Variants in FTO observed in about 807,000 individuals in gnomAD.
The protein encoded by FTO is FTO alpha-ketoglutarate dependent dioxygenase.
In FTO, 47 loss-of-function variants were observed where a neutral mutation model predicts 63.9. The ratio of observed to expected loss-of-function variants is 0.74; its 90% confidence interval spans 0.58 to 0.94. FTO has a LOEUF of 0.94. FTO is among the 40% of genes least tolerant of loss of function. FTO has a pLI of 0.00. For missense variants in FTO, 562 were observed against 618.1 expected, an observed-to-expected ratio of 0.91 and a Z score of 0.96; for synonymous variants, 207 against 224.4, an observed-to-expected ratio of 0.92 and a Z score of 0.69.
chr16:53,837,006 C>T (rs183912697), intron 3 of FTO, among the ~76,000 whole-genome samples: 39 of 152,330 alleles, frequency 2.6e-4, no homozygotes, highest in Admixed American at 2.4e-3. Flanking sequence ...TCCTGTGAGT[C>T]TCCACAACTC....
intron 8 of FTO, chr16:54,054,728 C>A (rs1352835275): frequency 6.6e-6 from 1 of 151,996 alleles, no homozygotes; most frequent in Non-Finnish European, 1.5e-5. Flanking sequence ...AAGTGGCATA[C>A]AGGAAGAGAC....
In FTO at chr16:53,975,207, GT is replaced by G. The variant is rs201129496; in HGVS notation, c.1364+41111del. ...CGTATTTTGGTTTTAAATATTGTAAGTTTTTTTTTTTTTGGTGTTGCAGTTG... is the reference window on the plus strand; with the variant it reads ...CGTATTTTGGTTTTAAATATTGTAAGTTTTTTTTTTTTGGTGTTGCAGTTG... On this transcript the variant is annotated intron_variant, in intron 8 of 8. Transcript: ENST00000471389. 1.3e-3 allele frequency among the ~76,000 whole-genome samples: 181 copies of G among 144,096 alleles called. 1 individual carries two copies. The highest frequency in any genetic ancestry group is 5.0e-3 in the South Asian group (23 of 4,562). The allele number at this position is 144,096 out of a possible 152,430, so 94.5% of individuals were successfully genotyped here.
chr16:53,962,481 T>C (rs2083104711), intron 8 of FTO, among the ~76,000 whole-genome samples: 1 of 152,168 alleles, frequency 6.6e-6, no homozygotes, highest in Admixed American at 6.5e-5. Context: ...CTCCATATTT[T>C]GATTAGAGGC....
chr16:53,914,969 A>T (rs1264365421), intron 7 of FTO, among the ~76,000 whole-genome samples: 2 of 152,202 alleles, frequency 1.3e-5, no homozygotes, highest in East Asian at 3.9e-4. Context: ...TACCCCAGCC[A>T]TGTCTACAGG....
chr16:53,844,503 A>G (rs1471590083), intron 4 of FTO, among the ~76,000 whole-genome samples: 1 of 152,206 alleles, frequency 6.6e-6, no homozygotes, highest in African/African-American at 2.4e-5. Context: ...CTTGTTGCCC[A>G]GGCTGGAGTG....
chr16:54,002,278 C>T (rs2084085958), intron 8 of FTO, among the ~76,000 whole-genome samples: 1 of 152,154 alleles, frequency 6.6e-6, no homozygotes, highest in African/African-American at 2.4e-5. Flanking sequence ...CCTCGGCCTC[C>T]TGAAGTGCTG....
rs575627180 is a variant in FTO, at chr16:53,754,364, G to A, written c.45+50135G>A. ...CTGAAGTAAAAGCTCCAGGCTGGGC[G>A]CGGTGGCTCACGCCTGTAATCCCAG... On this transcript the variant is annotated intron_variant, in intron 1 of 8. Coordinates refer to ENST00000471389, the MANE Select transcript of FTO (RefSeq NM_001080432.3). 1.1e-4 allele frequency among the ~76,000 whole-genome samples: 16 copies of A among 152,272 alleles called. No homozygotes were observed. The South Asian group carries it at 1.9e-3, about 18-fold the overall frequency.
At chr16:54,060,706 A>G (rs1599296164) in intron 8 of FTO, among the ~76,000 whole-genome samples, 1 of 151,994 alleles carries the variant, frequency 6.6e-6, no homozygotes, top group African/African-American at 2.4e-5. Context: ...TTTGTATTTC[A>G]CTCCCAGCCA....
intron 1 of FTO, among the ~76,000 whole-genome samples, chr16:53,730,449 T>A (rs2076245957): frequency 6.6e-6 from 1 of 152,278 alleles, no homozygotes; most frequent in African/African-American, 2.4e-5. Context: ...TTTCCAATTA[T>A]ACTGTATAGC....
intron 8 of FTO, among the ~76,000 whole-genome samples, chr16:53,955,551 T>C (rs1180518664): frequency 6.6e-6 from 1 of 152,122 alleles, no homozygotes; most frequent in Admixed American, 6.5e-5. Flanking sequence ...ATTTTAGGGT[T>C]GGAGTAAAGA....
chr16:53,826,879 A>G (rs2079022026), intron 3 of FTO, among the ~76,000 whole-genome samples: 1 of 152,232 alleles, frequency 6.6e-6, no homozygotes, highest in African/African-American at 2.4e-5. Context: ...GAGCTGGGAA[A>G]ACAAAAATCT....
intron 1 of FTO, among the ~76,000 whole-genome samples, chr16:53,806,996 G>GT: frequency 6.6e-6 from 1 of 152,178 alleles, no homozygotes; most frequent in Non-Finnish European, 1.5e-5. Flanking sequence ...CTTAATATTT[G>GT]TTTTTTTATA....
chr16:53,987,476 G>T lies in FTO; in HGVS notation c.1364+53367G>T, dbSNP rs963726050. Among the ~76,000 whole-genome samples the T allele has an allele frequency of 4.0e-5, 6 of 151,790 alleles. No homozygotes were observed. The South Asian group carries it at 1.3e-3, about 32-fold the overall frequency. ...CATGCGCCTGTAATCCCAGCTACTC[G>T]GGAGGCTGAGGCAGGAAAATTGCTT... is the stretch of plus-strand genomic sequence containing the variant. On this transcript the variant is annotated intron_variant, in intron 8 of 8. Coordinates refer to ENST00000471389, the MANE Select transcript of FTO (RefSeq NM_001080432.3).
At chr16:53,938,858 G>T (rs1030760910) in intron 8 of FTO, among the ~76,000 whole-genome samples, 11 of 152,020 alleles carry the variant, frequency 7.2e-5, no homozygotes, top group African/African-American at 2.7e-4. Context: ...GGGAGGCCTA[G>T]ACGGGCGGAT....
rs1020403813 is a variant in FTO at position 53,886,045 on chromosome 16, A to G, written c.1120-2787A>G. On this transcript the variant is annotated intron_variant, in intron 6 of 8. Coordinates refer to ENST00000471389, the MANE Select transcript of FTO (RefSeq NM_001080432.3). ...GCTGGGATTATAGGTCAGAGCCCTT[A>G]TTTTTAACCATGATACTATCTGCCT... is the stretch of plus-strand genomic sequence containing the variant. 1.3e-4 allele frequency among the ~76,000 whole-genome samples: 20 copies of G among 152,150 alleles called. 1 individual carries two copies. Among genetic ancestry groups the G allele is most frequent in the Admixed American group, 4.6e-4 (7 of 15,280 alleles).
rs1414473080 is a variant in FTO, at chr16:54,046,164, C to A, written c.1365-65598C>A. Among the ~76,000 whole-genome samples, 2 of 97,156 alleles carry A rather than the reference C, an allele frequency of 2.1e-5. 1 individual carries two copies. The highest frequency in any genetic ancestry group is 8.0e-4 in the South Asian group (2 of 2,492). 63.7% of individuals were successfully genotyped at this position (97,156 alleles called of 152,430 possible). The stretch of plus-strand genomic sequence containing the variant: ...GTATTCAGTTAGGAAAAGAGGAAGT[C>A]AAATTGTCCGTGTTTGCAGACGACA... On this transcript the variant is annotated intron_variant, in intron 8 of 8. Coordinates refer to ENST00000471389, the MANE Select transcript of FTO (RefSeq NM_001080432.3).
At chr16:53,745,805 T>C (rs1177572378) in intron 1 of FTO, among the ~76,000 whole-genome samples, 1 of 152,182 alleles carries the variant, frequency 6.6e-6, no homozygotes, top group Non-Finnish European at 1.5e-5. Flanking sequence ...TTGAAACTGC[T>C]TAAAGGATAA....
chr16:54,016,205 C>T (rs963968401), intron 8 of FTO, among the ~76,000 whole-genome samples: 20 of 151,760 alleles, frequency 1.3e-4, no homozygotes, highest in African/African-American at 4.8e-4. Context: ...ATCCCCTCCT[C>T]TTCACCATTA....
At chr16:53,879,084 T>C (rs2080750949) in intron 5 of FTO, among the ~76,000 whole-genome samples, 1 of 152,218 alleles carries the variant, frequency 6.6e-6, no homozygotes, top group East Asian at 1.9e-4. Flanking sequence ...CTTTCCTATC[T>C]TTAGTCTCAG....
Sources: allele counts gnomAD v4.1 joint callset (sites outside exome capture counted in the v4.1 genomes callset), GRCh38; gene constraint gnomAD v4.1.1; transcripts MANE v1.5; gene names NCBI Gene and HGNC (gene_info 2026-07-23, HGNC 2026-07-21).